CDC25C: variants seen among roughly 807,000 people sequenced by gnomAD.
CDC25C encodes the protein M-phase inducer phosphatase 3.
CDC25C carries 48 observed loss-of-function variants against 52.5 expected under a neutral mutation model. That is an observed-to-expected ratio of 0.91 (90% CI 0.72 to 1.16). The LOEUF is 1.16. CDC25C is among the 50% of genes most tolerant of loss of function. The pLI is 0.00. For synonymous variants in CDC25C, 187 were observed against 206.5 expected (o/e 0.91, Z 0.81); for missense variants, 510 against 566.1 (o/e 0.90, Z 1.01).
intron 7 of CDC25C, among the ~76,000 whole-genome samples, chr5:138,308,062 C>T (rs1204665103): frequency 6.6e-6 from 1 of 152,124 alleles, no homozygotes; most frequent in Non-Finnish European, 1.5e-5. Flanking sequence ...TGACAGGAGG[C>T]AGAGCTTAGG....
At chr5:138,336,925 G>T (rs1173601655) in intron 1 of CDC25C, 3 of 151,918 alleles carry the variant, frequency 2.0e-5, no homozygotes, top group African/African-American at 7.3e-5. Flanking sequence ...CAGTGAGGAC[G>T]ACCCCCGCCA....
chr5:138,323,973 A>C (rs1367707729), intron 6 of CDC25C, among the ~76,000 whole-genome samples: 5 of 150,588 alleles, frequency 3.3e-5, no homozygotes, highest in African/African-American at 1.2e-4. Context: ...AAAAAAAAAA[A>C]CAAATTCCAT....
At position 138,285,329 on chromosome 5, in the gene CDC25C, G is replaced by T; in HGVS notation, c.*363C>A. On this transcript the variant is annotated 3_prime_UTR_variant, in exon 14 of 14. Transcript: ENST00000323760. ...AAAGAAAGAGGGGGAAACAAAGAAGGAAAATACAAAGAAAGAAGGTAGACA... is the reference window on the plus strand; with the variant it reads ...AAAGAAAGAGGGGGAAACAAAGAAGTAAAATACAAAGAAAGAAGGTAGACA... 1 of 199,462 alleles carries T rather than the reference G, an allele frequency of 5.0e-6. No homozygotes were observed. Among genetic ancestry groups the T allele is most frequent in the Non-Finnish European group, 1.0e-5 (1 of 98,528 alleles). 12.4% of individuals were successfully genotyped at this position (199,462 alleles called of 1,614,324 possible).
upstream of CDC25C, chr5:138,335,484 G>A (rs563514356): frequency 6.6e-6 from 1 of 152,250 alleles, no homozygotes; most frequent in Non-Finnish European, 1.5e-5. Flanking sequence ...TATGGATGGA[G>A]AGTATCCTTT....
chr5:138,330,959 T>A, intron 2 of CDC25C, 28 bp downstream of exon 2: 1 of 1,453,240 alleles, frequency 6.9e-7, no homozygotes, highest in Non-Finnish European at 9.7e-7. Context: ...GCAAAGGCAA[T>A]ACAGTGTAAA....
intron 7 of CDC25C, 117 bp from the exon 8 acceptor site, chr5:138,292,233 A>AC: frequency 1.4e-6 from 1 of 692,452 alleles, no homozygotes; most frequent in Admixed American, 2.8e-5. Flanking sequence ...GTTAGGCCAC[A>AC]CCCCAAACCT....
At chr5:138,309,715 A>AT (rs56020082) in intron 7 of CDC25C, among the ~76,000 whole-genome samples, 101,496 of 132,768 alleles carry the variant, frequency 0.76, 39,892 homozygotes, top group East Asian at 0.95. Context: ...GGCTCTCAAA[A>AT]TTTTTTTTTT....
Position 138,289,488 on chromosome 5 carries a change from G to A in CDC25C, c.927+13C>T. 6.2e-7 allele frequency: 1 copy of A among 1,605,752 alleles called. No homozygotes were observed. Among genetic ancestry groups the A allele is most frequent in the Non-Finnish European group, 8.5e-7 (1 of 1,172,354 alleles). On this transcript the variant is annotated intron_variant, in intron 10 of 13. Transcript: ENST00000323760. ...CTTATGTAACCAGTTACCATCTCCAGAAATCTGCTTACTGTTTCTGGGTTG... is the reference window on the plus strand; with the variant it reads ...CTTATGTAACCAGTTACCATCTCCAAAAATCTGCTTACTGTTTCTGGGTTG...
intron 7 of CDC25C, among the ~76,000 whole-genome samples, chr5:138,297,712 CAA>C (rs1451070265): frequency 6.6e-6 from 1 of 151,958 alleles, no homozygotes; most frequent in Non-Finnish European, 1.5e-5. Flanking sequence ...TAGCAATGAA[CAA>C]AAGAGTAAAA....
chr5:138,300,078 T>A (rs1302234403), intron 7 of CDC25C, among the ~76,000 whole-genome samples: 1 of 152,076 alleles, frequency 6.6e-6, no homozygotes, highest in East Asian at 1.9e-4. Context: ...TGTGCACCGG[T>A]AGTCTTAGCT....
intron 7 of CDC25C, among the ~76,000 whole-genome samples, chr5:138,307,999 C>A (rs555733254): frequency 6.6e-6 from 1 of 152,082 alleles, no homozygotes; most frequent in African/African-American, 2.4e-5. Context: ...CCCTCGCATG[C>A]GCAGTTCACA....
chr5:138,328,561 A>G, intron 3 of CDC25C, 32 bp from the exon 4 acceptor site: 1 of 1,585,336 alleles, frequency 6.3e-7, no homozygotes, highest in Non-Finnish European at 8.7e-7. Context: ...CAGTAAAAGG[A>G]GTTATTCTTG....
Position 138,331,614 on chromosome 5 carries a change from G to C in CDC25C, c.-58C>G. 1 of 1,013,848 alleles carries C rather than the reference G, an allele frequency of 9.9e-7. No individual in the cohort carries two copies. The highest frequency in any genetic ancestry group is 1.2e-6 in the Non-Finnish European group (1 of 846,102). 62.8% of individuals were successfully genotyped at this position (1,013,848 alleles called of 1,614,324 possible). A position where few individuals can be genotyped will look rare whatever the true frequency, so the allele number is the denominator to read the frequency against. On this transcript the variant is annotated 5_prime_UTR_variant, in exon 1 of 14. Coordinates refer to ENST00000323760, the MANE Select transcript of CDC25C (RefSeq NM_001790.5). ...ACTTACCTCAAGCCTGGAGTCTGAGGCTTGCCTACAAGAGGAGAGAAAGTA... is the reference window on the plus strand; with the variant it reads ...ACTTACCTCAAGCCTGGAGTCTGAGCCTTGCCTACAAGAGGAGAGAAAGTA...
At position 138,311,220 on chromosome 5, in the gene CDC25C, C is replaced by G. The variant is rs929574579; in HGVS notation, c.615+7999G>C. On this transcript the variant is annotated intron_variant, in intron 7 of 13. Transcript: ENST00000323760. ...TCCCAAAGAGCAAAGTTAAAGCCTT[C>G]TCTTATACCATATACACACATTAAC... Among the ~76,000 whole-genome samples, 9 of 152,304 alleles carry G rather than the reference C, an allele frequency of 5.9e-5. 1 individual carries two copies. Among genetic ancestry groups the G allele is most frequent in the Admixed American group, 3.3e-4 (5 of 15,282 alleles).
intron 7 of CDC25C, among the ~76,000 whole-genome samples, chr5:138,297,765 T>C (rs901517341): frequency 2.0e-5 from 3 of 152,266 alleles, no homozygotes; most frequent in Admixed American, 1.3e-4. Flanking sequence ...CTGTACTTTT[T>C]CACATAGTGA....
At chr5:138,310,242 T>C (rs1758339565) in intron 7 of CDC25C, among the ~76,000 whole-genome samples, 2 of 152,180 alleles carry the variant, frequency 1.3e-5, no homozygotes, top group Admixed American at 1.3e-4. Flanking sequence ...AAGTCTCCAA[T>C]CTCGCTTCCA....
chr5:138,287,041 C>G, intron 11 of CDC25C, 128 bp downstream of exon 11: 7 of 632,468 alleles, frequency 1.1e-5, no homozygotes, highest in Admixed American at 2.8e-5. Context: ...GGACCTCAGC[C>G]TTGAGGTGCT....
At chr5:138,304,392 T>G (rs1236628620) in intron 7 of CDC25C, among the ~76,000 whole-genome samples, 1 of 149,134 alleles carries the variant, frequency 6.7e-6, no homozygotes, top group Non-Finnish European at 1.5e-5. Context: ...ACAAAATATA[T>G]TTTGAATGCA....
chr5:138,311,632 T>C (rs1205620767), intron 7 of CDC25C, among the ~76,000 whole-genome samples: 1 of 152,024 alleles, frequency 6.6e-6, no homozygotes, highest in Non-Finnish European at 1.5e-5. Flanking sequence ...GGGAGGCACA[T>C]GACATTGAAT....
Sources: gnomAD v4.1 joint callset for allele counts (sites outside exome capture counted in the v4.1 genomes callset) on GRCh38, gnomAD v4.1.1 for gene constraint, MANE v1.5 for transcripts, NCBI Gene and HGNC (gene_info 2026-07-23, HGNC 2026-07-21) for gene names.